The following ZNF98 variants were observed in gnomAD, a reference collection of about 807,000 sequenced individuals.
ZNF98 encodes zinc finger protein 739.
ZNF98 carries 8 observed loss-of-function variants against 12.8 expected under a neutral mutation model. The observed-to-expected ratio is 0.63, with a 90% CI of 0.37 to 1.13. The LOEUF is 1.13. Among genes scored for constraint, ZNF98 ranks in the 50% most tolerant of loss-of-function variants. ZNF98 has a pLI of 0.01. For missense variants in ZNF98, 379 were observed against 666.1 expected (o/e 0.57, Z 4.74); for synonymous variants, 112 against 223.5 (o/e 0.50, Z 4.45).
intron 1 of ZNF98, among the ~76,000 whole-genome samples, chr19:22,406,643 C>G (rs572952977): frequency 6.6e-6 from 1 of 152,064 alleles, no homozygotes; most frequent in Admixed American, 6.6e-5. Flanking sequence ...CGGTGAAACC[C>G]TGTCTCTACT....
In ZNF98 at chr19:22,409,395, C is replaced by T. The variant is rs149457034; in HGVS notation, c.31-5883G>A. Among the ~76,000 whole-genome samples, 52 of 152,086 alleles carry T rather than the reference C, an allele frequency of 3.4e-4. No individual in the cohort carries two copies. In the East Asian group the frequency reaches 9.5e-3, roughly 28 times the overall value. ...ATAGGCATGGGCAAAGACTTCATGA[C>T]GAAAACGCCAAAAGCAATTGCAACA... On this transcript the variant is annotated intron_variant, in intron 1 of 3. Transcript: ENST00000357774.
intron 1 of ZNF98, among the ~76,000 whole-genome samples, chr19:22,407,060 A>C (rs1373407838): frequency 7.9e-5 from 12 of 151,758 alleles, no homozygotes; most frequent in Non-Finnish European, 1.5e-5. Flanking sequence ...GGAGCTGCTA[A>C]CTAGAATAAC....
intron 1 of ZNF98, among the ~76,000 whole-genome samples, chr19:22,416,502 G>A (rs960447449): frequency 2.6e-5 from 4 of 151,794 alleles, no homozygotes; most frequent in Non-Finnish European, 5.9e-5. Flanking sequence ...GTGTCCGGGT[G>A]CAGTGGCTCA....
intron 1 of ZNF98, among the ~76,000 whole-genome samples, chr19:22,404,566 T>C (rs1202307469): frequency 6.6e-6 from 1 of 152,242 alleles, no homozygotes; most frequent in Admixed American, 6.5e-5. Flanking sequence ...AAGTGAGTTA[T>C]TAACATCAAC....
chr19:22,399,627 T>C (rs564432448), intron 3 of ZNF98, among the ~76,000 whole-genome samples: 4 of 152,208 alleles, frequency 2.6e-5, no homozygotes, highest in South Asian at 2.1e-4. Flanking sequence ...CTACTAATTA[T>C]CTAATTCACC....
chr19:22,395,262 C>A (rs770994618), intron 3 of ZNF98, among the ~76,000 whole-genome samples: 50 of 150,916 alleles, frequency 3.3e-4, no homozygotes, highest in Non-Finnish European at 5.6e-4. Context: ...CAAGGCACAT[C>A]CTAAGAACAT....
intron 1 of ZNF98, among the ~76,000 whole-genome samples, chr19:22,416,597 A>G (rs1969646283): frequency 6.6e-6 from 1 of 151,112 alleles, no homozygotes; most frequent in Non-Finnish European, 1.5e-5. Flanking sequence ...TACTAAAAAT[A>G]TAAAAATTAG....
intron 1 of ZNF98, among the ~76,000 whole-genome samples, chr19:22,405,775 G>A (rs1165701680): frequency 6.6e-6 from 1 of 152,084 alleles, no homozygotes; most frequent in East Asian, 1.9e-4. Flanking sequence ...CCCGGGGAGG[G>A]GCAGCAACCA....
chr19:22,406,134 T>G (rs1969516103), intron 1 of ZNF98, among the ~76,000 whole-genome samples: 1 of 152,114 alleles, frequency 6.6e-6, no homozygotes, highest in African/African-American at 2.4e-5. Context: ...AAGTGCTTCA[T>G]TAAATGGGTT....
chr19:22,399,102 A>C (rs1969429561), intron 3 of ZNF98, among the ~76,000 whole-genome samples: 1 of 152,216 alleles, frequency 6.6e-6, no homozygotes, highest in Non-Finnish European at 1.5e-5. Context: ...AGAAACCTAC[A>C]CTGAAAAAAC....
chr19:22,404,712 A>G (rs1969500425), intron 1 of ZNF98, among the ~76,000 whole-genome samples: 1 of 152,234 alleles, frequency 6.6e-6, no homozygotes, highest in Non-Finnish European at 1.5e-5. Context: ...GCAAAGTTCC[A>G]GATACTGATA....
At chr19:22,410,421 T>C (rs12973769) in intron 1 of ZNF98, among the ~76,000 whole-genome samples, 49,626 of 152,032 alleles carry the variant, frequency 0.33, 9,540 homozygotes, top group Non-Finnish European at 0.44. Flanking sequence ...TATGCAGCCA[T>C]ACAAAGAAAT....
At chr19:22,395,488 A>G (rs1296610374) in intron 3 of ZNF98, among the ~76,000 whole-genome samples, 1 of 152,164 alleles carries the variant, frequency 6.6e-6, no homozygotes, top group African/African-American at 2.4e-5. Context: ...TTTAAACACT[A>G]ATAAGTTGAA....
At chr19:22,405,243 A>G (rs1969506390) in intron 1 of ZNF98, among the ~76,000 whole-genome samples, 1 of 148,272 alleles carries the variant, frequency 6.7e-6, no homozygotes, top group Non-Finnish European at 1.5e-5. Flanking sequence ...GAGTGGACAC[A>G]GCTCTTCATC....
Position 22,391,892 on chromosome 19 carries a change from T to G in ZNF98, c.1343A>C (p.Gln448Pro), listed in dbSNP as rs771887235. ...ECGKAFNLSS[Q>P]LTTHKIIHTG... is the part of the protein sequence containing the mutation. ...ATGAATTATCTTATGTGTAGTAAGT[T>G]GTGATGATAGGTTAAAAGCTTTGCC... The change falls in exon 4 of 4, where the codon CAA becomes CCA. Residue 448 changes from glutamine to proline, a missense_variant. Gln to Pro is a moderately conservative substitution (Grantham distance 76, BLOSUM62 -1). Around this residue, in one of 8 missense-constraint regions of ZNF98, gnomAD observed 19 missense variants for 119.7 expected, o/e 0.16. Coordinates refer to ENST00000357774, the MANE Select transcript of ZNF98 (RefSeq NM_001098626.2). 1 of 1,303,894 alleles carries G rather than the reference T, an allele frequency of 7.7e-7. No homozygotes were observed. 80.8% of individuals were successfully genotyped at this position (1,303,894 alleles called of 1,614,324 possible).
rs1464080420 is a variant in ZNF98 at position 22,396,298 on chromosome 19, G to A, written c.254-3317C>T. On this transcript the variant is annotated intron_variant, in intron 3 of 3. Transcript: ENST00000357774. ...GAGGAAGATTTTTTTATTCAACTGA[G>A]ATTTATTTTATACCAAATTAAAACT... Among the ~76,000 whole-genome samples the A allele has an allele frequency of 2.6e-5, 4 of 151,862 alleles. No individual in the cohort carries two copies. In the East Asian group the frequency reaches 7.7e-4, roughly 29 times the overall value.
At chr19:22,416,767 T>C (rs1309984687) in intron 1 of ZNF98, among the ~76,000 whole-genome samples, 2 of 151,660 alleles carry the variant, frequency 1.3e-5, no homozygotes, top group Non-Finnish European at 2.9e-5. Context: ...AAATAAAATA[T>C]GGTACATAAA....
At chr19:22,395,136 C>A (rs1241252467) in intron 3 of ZNF98, among the ~76,000 whole-genome samples, 1 of 140,710 alleles carries the variant, frequency 7.1e-6, no homozygotes, top group Admixed American at 7.6e-5. Flanking sequence ...CATGCCATTG[C>A]ACTGCAGCCT....
intron 2 of ZNF98, 109 bp downstream of exon 2, chr19:22,403,277 A>AC: frequency 1.5e-6 from 2 of 1,310,796 alleles, no homozygotes; most frequent in Non-Finnish European, 2.1e-6. Flanking sequence ...AAAACAAAAA[A>AC]AAAAAACAGA....
Sources: gnomAD v4.1 joint callset for allele counts (sites outside exome capture counted in the v4.1 genomes callset) on GRCh38, gnomAD v4.1.1 for gene constraint, gnomAD v4.1.1 regional missense constraint, MANE v1.5 for transcripts, NCBI Gene and HGNC (gene_info 2026-07-23, HGNC 2026-07-21) for gene names.